Variants in GLI2 observed in about 807,000 individuals in gnomAD.
The protein encoded by GLI2 is transcription activator GLI2.
In GLI2, 22 loss-of-function variants were observed where a neutral mutation model predicts 78.9. That is an observed-to-expected ratio of 0.28 (90% CI 0.20 to 0.40). GLI2 has a LOEUF of 0.40. Ranked by LOEUF, GLI2 falls within the 10% of genes least tolerant of loss-of-function variation. The pLI is 1.00. For missense variants in GLI2, 2,097 were observed against 2,213.2 expected (o/e 0.95, Z 1.05); for synonymous variants, 974 against 963.7 (o/e 1.01, Z -0.20).
intron 3 of GLI2, among the ~76,000 whole-genome samples, chr2:120,930,491 G>T (rs944309457): frequency 6.6e-6 from 1 of 152,202 alleles, no homozygotes; most frequent in South Asian, 2.1e-4. Context: ...TTGTGGGAGC[G>T]TAAGTATGGA....
intron 2 of GLI2, among the ~76,000 whole-genome samples, chr2:120,903,781 GC>G (rs1678381254): frequency 6.6e-6 from 1 of 152,188 alleles, no homozygotes; most frequent in Non-Finnish European, 1.5e-5. Flanking sequence ...ACCCCTTTGT[GC>G]TTCCTGCCCT....
chr2:120,759,992 G>A (rs1449079558), intron 1 of GLI2, among the ~76,000 whole-genome samples: 1 of 152,252 alleles, frequency 6.6e-6, no homozygotes, highest in Admixed American at 6.5e-5. Flanking sequence ...AAGCCTGTGT[G>A]TCCTCAGGTG....
intron 1 of GLI2, among the ~76,000 whole-genome samples, chr2:120,777,013 C>T (rs1230422319): frequency 6.6e-6 from 1 of 152,224 alleles, no homozygotes; most frequent in Non-Finnish European, 1.5e-5. Context: ...GGGCACCTGA[C>T]ACGGGGCAGG....
chr2:120,769,714 T>A (rs1203485276), intron 1 of GLI2, among the ~76,000 whole-genome samples: 1 of 152,156 alleles, frequency 6.6e-6, no homozygotes, highest in Admixed American at 6.6e-5. Flanking sequence ...TAGGGGTGTG[T>A]CTGTGACTGC....
At chr2:120,826,579 C>T (rs961256190) in intron 2 of GLI2, among the ~76,000 whole-genome samples, 2 of 152,138 alleles carry the variant, frequency 1.3e-5, no homozygotes, top group African/African-American at 4.8e-5. Flanking sequence ...AGATTTTTAT[C>T]TCATGTATGG....
intron 3 of GLI2, among the ~76,000 whole-genome samples, chr2:120,934,122 G>T (rs1030162901): frequency 2.0e-5 from 3 of 152,196 alleles, no homozygotes; most frequent in African/African-American, 4.8e-5. Context: ...GGGGACCACT[G>T]CAGGCGCCGC....
At chr2:120,756,571 TTCTTA>T (rs1393962274) in intron 1 of GLI2, among the ~76,000 whole-genome samples, 14 of 152,308 alleles carry the variant, frequency 9.2e-5, no homozygotes, top group African/African-American at 2.9e-4. Context: ...AGAGTTCTTA[TTCTTA>T]TCTTGTTTTT....
At chr2:120,787,287 G>A (rs1684023842) in intron 1 of GLI2, among the ~76,000 whole-genome samples, 2 of 152,198 alleles carry the variant, frequency 1.3e-5, no homozygotes, top group East Asian at 3.9e-4. Flanking sequence ...CTGAGGCAGG[G>A]CCTTGGGGCC....
intron 2 of GLI2, among the ~76,000 whole-genome samples, chr2:120,880,237 C>T (rs901750962): frequency 2.0e-4 from 31 of 152,206 alleles, no homozygotes; most frequent in African/African-American, 7.0e-4. Flanking sequence ...TAGAGCCCGT[C>T]GTCCAGATGC....
Position 120,797,442 on chromosome 2 carries a change from C to T in GLI2, c.122C>T (p.Ala41Val), listed in dbSNP as rs2104697020. ...KASPLVVAAA[A>V]AAAVAAQGVP... ...TCTCCTTTGGTGGTGGCTGCAGCGG[C>T]AGCAGCAGCGGTAGCTGCCCAAGGA... Residue 41 changes from alanine to valine, a missense_variant, in exon 2 of 14, where the codon GCA becomes GTA. Coordinates refer to ENST00000361492, the MANE Select transcript of GLI2 (RefSeq NM_001374353.1). 1.9e-6 allele frequency: 3 copies of T among 1,613,866 alleles called. No individual in the cohort carries two copies. The highest frequency in any genetic ancestry group is 1.7e-5 in the Admixed American group (1 of 60,018).
intron 2 of GLI2, among the ~76,000 whole-genome samples, chr2:120,910,237 C>T (rs550833335): frequency 1.1e-4 from 17 of 152,190 alleles, no homozygotes; most frequent in Non-Finnish European, 2.4e-4. Context: ...CGGTGGTCAG[C>T]AGGCCTGAGC....
intron 2 of GLI2, among the ~76,000 whole-genome samples, chr2:120,804,373 C>T (rs1475838581): frequency 6.6e-6 from 1 of 152,158 alleles, no homozygotes; most frequent in Non-Finnish European, 1.5e-5. Flanking sequence ...AGCAGACATC[C>T]CATAGGGGAT....
intron 1 of GLI2, among the ~76,000 whole-genome samples, chr2:120,795,820 C>T (rs112252195): frequency 0.034 from 5,100 of 152,190 alleles, 135 homozygotes; most frequent in Non-Finnish European, 0.053. Context: ...GAGGCCAAGG[C>T]GGGCAGATCA....
chr2:120,914,757 A>G (rs1159870185), intron 2 of GLI2, among the ~76,000 whole-genome samples: 2 of 152,156 alleles, frequency 1.3e-5, no homozygotes, highest in Non-Finnish European at 2.9e-5. Flanking sequence ...GCCCTGCACT[A>G]GCTCTTCTCC....
At chr2:120,915,549 A>C (rs1420139159) in intron 2 of GLI2, among the ~76,000 whole-genome samples, 7 of 152,158 alleles carry the variant, frequency 4.6e-5, no homozygotes, top group Non-Finnish European at 7.4e-5. Flanking sequence ...TGCCATTTGC[A>C]TAAGGCCCTG....
chr2:120,988,177 T>C (rs750637788), intron 13 of GLI2, 31 bp from the exon 14 acceptor site: 1 of 1,570,790 alleles, frequency 6.4e-7, no homozygotes, highest in Non-Finnish European at 8.6e-7. Flanking sequence ...CCCACCCTTG[T>C]CCCGGTGCTG....
At chr2:120,870,916 C>G (rs1224907612) in intron 2 of GLI2, among the ~76,000 whole-genome samples, 1 of 152,198 alleles carries the variant, frequency 6.6e-6, no homozygotes, top group Non-Finnish European at 1.5e-5. Flanking sequence ...TCCTGGGCCG[C>G]CACAGAAACT....
In GLI2 at chr2:120,737,268, C is replaced by G. The variant is rs1682394733; in HGVS notation, c.-31+983C>G. On this transcript the variant is annotated intron_variant, in intron 1 of 13. Coordinates refer to ENST00000361492, the MANE Select transcript of GLI2 (RefSeq NM_001374353.1). The surrounding 1 kb of genome is among the most constrained non-coding windows in gnomAD (Gnocchi z 4.3). ...CCCGCCGCGCTGGAGAGCTGGGAGT[C>G]CACCCAGCTCGGCGCCTTTTCAGCC... Among the ~76,000 whole-genome samples, 1 of 152,078 alleles carries G rather than the reference C, an allele frequency of 6.6e-6. No individual in the cohort carries two copies. Among genetic ancestry groups the G allele is most frequent in the South Asian group, 2.1e-4 (1 of 4,822 alleles).
At chr2:120,923,342 G>A (rs935101692) in intron 2 of GLI2, among the ~76,000 whole-genome samples, 19 of 71,542 alleles carry the variant, frequency 2.7e-4, no homozygotes, top group Admixed American at 3.2e-4. Flanking sequence ...ACATAAACAC[G>A]GCAGCAGACA....
Sources: gnomAD v4.1 joint callset for allele counts (sites outside exome capture counted in the v4.1 genomes callset) on GRCh38, gnomAD v4.1.1 for gene constraint, Gnocchi (gnomAD v3.1) non-coding constraint, MANE v1.5 for transcripts, NCBI Gene and HGNC (gene_info 2026-07-23, HGNC 2026-07-21) for gene names.